The following MICALL2 variants were observed in gnomAD, a reference collection of about 807,000 sequenced individuals.
The protein encoded by MICALL2 is MICAL like 2.
MICALL2 carries 111 observed loss-of-function variants against 91.1 expected under a neutral mutation model. The ratio of observed to expected loss-of-function variants is 1.22; its 90% CI spans 1.04 to 1.43. MICALL2 has a LOEUF of 1.43. Among genes scored for constraint, MICALL2 ranks in the 40% most tolerant of loss-of-function variants. The pLI, the probability that MICALL2 is intolerant of heterozygous loss-of-function variation, is 0.00. For synonymous variants in MICALL2, 694 were observed against 525.3 expected (o/e 1.32, Z -4.39); for missense variants, 1,556 against 1,236.0 (o/e 1.26, Z -3.88).
At chr7:1,449,150 C>T (rs1039565898) in intron 2 of MICALL2, among the ~76,000 whole-genome samples, 2 of 152,218 alleles carry the variant, frequency 1.3e-5, no homozygotes, top group African/African-American at 4.8e-5. Context: ...ACACACAGGT[C>T]GCCATGTCAG....
Position 1,439,195 on chromosome 7 carries a change from C to A in MICALL2, c.1967-200G>T. On this transcript the variant is annotated intron_variant, in intron 9 of 16. Coordinates refer to ENST00000297508, the MANE Select transcript of MICALL2 (RefSeq NM_182924.4). ...GGCCATGTCTCCCCAGGGGGCTAAC[C>A]CACGGGGCTGCTGGCTGCTCAAGGT... 5.5e-6 allele frequency: 3 copies of A among 547,570 alleles called. No individual in the cohort carries two copies. The South Asian group carries it at 7.2e-5, about 13-fold the overall frequency. The allele number at this position is 547,570 out of a possible 1,614,324, so 33.9% of individuals were successfully genotyped here. A position where few individuals can be genotyped will look rare whatever the true frequency, so the allele number is the denominator to read the frequency against.
At chr7:1,447,197 C>A (rs1224584422) in intron 4 of MICALL2, among the ~76,000 whole-genome samples, 1 of 152,186 alleles carries the variant, frequency 6.6e-6, no homozygotes, top group East Asian at 1.9e-4. Context: ...GATATTTGCC[C>A]ACCGCCTTCC....
chr7:1,435,050 C>G (rs1412196617), intron 16 of MICALL2, 51 bp downstream of exon 16: 2 of 1,600,202 alleles, frequency 1.2e-6, no homozygotes, highest in East Asian at 4.5e-5. Context: ...CTCAGCATCC[C>G]CGGCCCACCC....
chr7:1,440,036 C>A lies in MICALL2; in HGVS notation c.1855G>T (p.Glu619Ter). 6.3e-7 allele frequency: 1 copy of A among 1,580,666 alleles called. No homozygotes were observed. The highest frequency in any genetic ancestry group is 2.4e-5 in the East Asian group (1 of 41,948). Residue 619 changes from glutamate to a stop codon, truncating the protein, a stop_gained, in exon 9 of 17, where the codon GAG becomes TAG. Transcript: ENST00000297508. LOFTEE classifies it high-confidence loss of function. ...PRALAEPRAG[E>*]APRKVSGSFA... is the part of the protein sequence containing the mutation. ...CTGCCTGAGACCTTCCTGGGGGCCT[C>A]CCCCGCCCTCGGCTCTGCCAGGGCC...
In MICALL2 at chr7:1,445,031, C is replaced by T; in HGVS notation, c.1039G>A (p.Gly347Ser). 1.3e-6 allele frequency: 2 copies of T among 1,532,646 alleles called. No homozygotes were observed. The highest frequency in any genetic ancestry group is 1.4e-5 in the African/African-American group (1 of 72,876). 94.9% of individuals were successfully genotyped at this position (1,532,646 alleles called of 1,614,324 possible). Reference sequence around the variant, plus strand: ...GTGCACGGGGCAGCTGACGACCAGCCCATCGGGGAGCTATTGGTCACACGA... The same window carrying T: ...GTGCACGGGGCAGCTGACGACCAGCTCATCGGGGAGCTATTGGTCACACGA... Reference protein sequence around the residue: ...RPRVTNSSPMGWSSAAPCTAA... With the variant: ...RPRVTNSSPMSWSSAAPCTAA... Residue 347 changes from glycine to serine, a missense_variant, in exon 6 of 17, where the codon GGC becomes AGC. Coordinates refer to ENST00000297508, the MANE Select transcript of MICALL2 (RefSeq NM_182924.4).
chr7:1,442,685 G>C (rs1225046672), intron 6 of MICALL2, among the ~76,000 whole-genome samples: 1 of 140,334 alleles, frequency 7.1e-6, no homozygotes, highest in African/African-American at 2.5e-5. Flanking sequence ...ATTGCACCAG[G>C]CTGCCCCTCT....
Position 1,439,929 on chromosome 7 carries a change from G to A in MICALL2, c.1962C>T (p.Leu654=), listed in dbSNP as rs759177756. 7 of 1,466,530 alleles carry A rather than the reference G, an allele frequency of 4.8e-6. No individual in the cohort carries two copies. The highest frequency in any genetic ancestry group is 1.9e-4 in the Middle Eastern group (1 of 5,366). 90.8% of individuals were successfully genotyped at this position (1,466,530 alleles called of 1,614,324 possible). A position where few individuals can be genotyped will look rare whatever the true frequency, so the allele number is the denominator to read the frequency against. The change falls in exon 9 of 17, where the codon CTC becomes CTT. Residue 654 remains leucine, a synonymous_variant. Transcript: ENST00000297508. The part of the protein sequence containing the change: ...TPRPASPGPS[L]PARSPSPPRR... ...CTGGGTCCCGTCCAGGAGTACCTGG[G>A]AGGCTGGGTCCTGGGCTGGCTGGGC...
At position 1,444,759 on chromosome 7, in the gene MICALL2, G is replaced by A; in HGVS notation, c.1311C>T (p.Pro437=). The A allele has an allele frequency of 6.2e-7, 1 of 1,612,252 alleles. No individual in the cohort carries two copies. Residue 437 remains proline, a synonymous_variant, in exon 6 of 17, where the codon CCC becomes CCT. Transcript: ENST00000297508. ...CCTTGGATAGAACAAGTGACGGGGT[G>A]GGACCTCTGCCAGAAAGGCTGGTGC... ...PPGTSLSGRG[P]TPSLVLSKDS... is the part of the protein sequence containing the mutation.
intron 6 of MICALL2, among the ~76,000 whole-genome samples, chr7:1,443,011 G>C (rs567176245): frequency 1.1e-3 from 167 of 152,162 alleles, no homozygotes; most frequent in African/African-American, 3.2e-3. Flanking sequence ...GCACACACCA[G>C]GAGTGAGGCT....
chr7:1,434,985 G>GCT, intron 16 of MICALL2, 116 bp downstream of exon 16: 1 of 255,664 alleles, frequency 3.9e-6, no homozygotes, highest in Non-Finnish European at 7.4e-6. Context: ...CCCGATACCC[G>GCT]CCCCCCCCCC....
chr7:1,439,123 G>T, intron 9 of MICALL2, 128 bp from the exon 10 acceptor site: 1 of 742,562 alleles, frequency 1.3e-6, no homozygotes, highest in Non-Finnish European at 2.1e-6. Context: ...CTCCCGACTG[G>T]CACAGGGTTG....
chr7:1,446,625 G>A (rs2128523322), intron 5 of MICALL2, 88 bp downstream of exon 5: 2 of 909,328 alleles, frequency 2.2e-6, no homozygotes, highest in Admixed American at 2.0e-5. Flanking sequence ...GCGGGGAGGA[G>A]GAGGCCGGGT....
Position 1,434,647 on chromosome 7 carries a change from G to T in MICALL2, c.2664C>A (p.Phe888Leu). The change falls in exon 17 of 17, where the codon TTC becomes TTA. Residue 888 changes from phenylalanine to leucine, a missense_variant. Physicochemically the swap from Phe to Leu is conservative, Grantham distance 22. Transcript: ENST00000297508. ...TTGGTGACCAGATCTTGGACAAGCG[G>T]AACTTGGACTTCTTCCTCTGGAGGC... ...KLGLQRKKSK[F>L]RLSKIWSPKS... is the part of the protein sequence containing the mutation. 3 of 1,569,150 alleles carry T rather than the reference G, an allele frequency of 1.9e-6. No homozygotes were observed. Among genetic ancestry groups the T allele is most frequent in the Non-Finnish European group, 2.6e-6 (3 of 1,161,508 alleles).
chr7:1,435,183 C>T, intron 15 of MICALL2, 36 bp from the exon 16 acceptor site: 2 of 1,611,354 alleles, frequency 1.2e-6, no homozygotes, highest in South Asian at 2.2e-5. Context: ...GCGACAATGG[C>T]AATGGCAAGG....
chr7:1,446,684 T>G, intron 5 of MICALL2, 29 bp downstream of exon 5: 1 of 1,506,516 alleles, frequency 6.6e-7, no homozygotes, highest in Non-Finnish European at 9.0e-7. Context: ...AGGTGCACAC[T>G]CAGGCGTGCG....
intron 14 of MICALL2, chr7:1,437,172 G>A: frequency 2.1e-6 from 1 of 483,128 alleles, no homozygotes; most frequent in East Asian, 3.8e-5. Context: ...GCCTGGGCCT[G>A]TGCCCTCAGC....
intron 14 of MICALL2, 59 bp downstream of exon 14, chr7:1,437,476 A>G: frequency 7.0e-7 from 1 of 1,436,226 alleles, no homozygotes; most frequent in East Asian, 2.6e-5. Context: ...GCCCCCAGAC[A>G]TCCTGGGCTC....
chr7:1,443,555 G>A (rs1562456870), intron 6 of MICALL2, among the ~76,000 whole-genome samples: 1 of 152,178 alleles, frequency 6.6e-6, no homozygotes, highest in Admixed American at 6.5e-5. Context: ...TGGCAGTTAT[G>A]ATCATGTTAA....
intron 10 of MICALL2, chr7:1,438,564 C>T: frequency 1.4e-6 from 2 of 1,425,190 alleles, no homozygotes; most frequent in Admixed American, 2.9e-5. Context: ...CCCTGCCCTC[C>T]TCCAGGTCAG....
Sources: gnomAD v4.1 joint callset for allele counts (sites outside exome capture counted in the v4.1 genomes callset) on GRCh38, gnomAD v4.1.1 for gene constraint, MANE v1.5 for transcripts, NCBI Gene and HGNC (gene_info 2026-07-23, HGNC 2026-07-21) for gene names.